SPATA13: variants seen among roughly 807,000 people sequenced by gnomAD.
The protein encoded by SPATA13 is spermatogenesis-associated protein 13.
In SPATA13, 50 loss-of-function variants were observed where a neutral mutation model predicts 104.0. The ratio of observed to expected loss-of-function variants is 0.48; its 90% CI spans 0.38 to 0.61. The LOEUF is 0.61. SPATA13 is among the 20% of genes least tolerant of loss of function. The pLI is 0.00. For synonymous variants in SPATA13, 606 were observed against 667.5 expected (o/e 0.91, Z 1.42); for missense variants, 1,524 against 1,690.6 (o/e 0.90, Z 1.73).
intron 5 of SPATA13, among the ~76,000 whole-genome samples, chr13:24,285,703 CAG>C (rs1218612583): frequency 4.6e-5 from 6 of 129,218 alleles, no homozygotes; most frequent in Admixed American, 4.1e-4. Context: ...TTTTTTGAGA[CAG>C]AGTTTTGCTC....
chr13:24,036,013 C>CAAAAAAAA (rs56837096), intron 3 of SPATA13, among the ~76,000 whole-genome samples: 16 of 112,452 alleles, frequency 1.4e-4, no homozygotes, highest in Non-Finnish European at 1.9e-4. Flanking sequence ...GACCCTGTCT[C>CAAAAAAAA]AAAAAAAAAA....
intron 3 of SPATA13, chr13:24,123,555 C>T (rs1489226725): frequency 6.2e-7 from 1 of 1,611,492 alleles, no homozygotes; most frequent in African/African-American, 1.3e-5. Context: ...AATCTGGTAA[C>T]AAAATCCTAT....
At chr13:24,141,362 C>T (rs556220750) in intron 3 of SPATA13, among the ~76,000 whole-genome samples, 2 of 152,122 alleles carry the variant, frequency 1.3e-5, no homozygotes, top group Non-Finnish European at 2.9e-5. Flanking sequence ...ATACTGAGTG[C>T]TCTGAGGAAT....
rs79503433 is a variant in SPATA13, at chr13:24,284,698, A to G, written c.2301+427A>G. Among the ~76,000 whole-genome samples, 748 of 152,196 alleles carry G rather than the reference A, an allele frequency of 4.9e-3. 7 individuals are homozygous for G. Among genetic ancestry groups the G allele is most frequent in the African/African-American group, 0.017 (720 of 41,526 alleles). The stretch of plus-strand genomic sequence containing the variant: ...GAAAGAACAACACTGTGATTCTCTG[A>G]CCTCGTCCAGGAAAATATATGGGAT... On this transcript the variant is annotated intron_variant, in intron 5 of 12. Coordinates refer to ENST00000382108, the MANE Select transcript of SPATA13 (RefSeq NM_001166271.3).
intron 3 of SPATA13, among the ~76,000 whole-genome samples, chr13:24,133,991 G>A (rs547732393): frequency 6.6e-6 from 1 of 152,330 alleles, no homozygotes; most frequent in South Asian, 2.1e-4. Context: ...CCTGGGGGAA[G>A]GCTCTTTCTG....
chr13:24,293,022 A>AAAG (rs35053977), intron 9 of SPATA13, among the ~76,000 whole-genome samples: 1 of 134,818 alleles, frequency 7.4e-6, no homozygotes, highest in African/African-American at 2.7e-5. Flanking sequence ...AAAAAAAAAA[A>AAAG]GGCGAGGGTG....
At chr13:24,013,706 C>CT (rs59130588) in intron 2 of SPATA13, among the ~76,000 whole-genome samples, 9,410 of 135,784 alleles carry the variant, frequency 0.069, 737 homozygotes, top group African/African-American at 0.19. Flanking sequence ...TTTTTTTCCA[C>CT]TTTTTTTTTT....
chr13:24,266,113 G>A (rs923996423), intron 4 of SPATA13, among the ~76,000 whole-genome samples: 10 of 152,084 alleles, frequency 6.6e-5, no homozygotes, highest in African/African-American at 2.4e-4. Context: ...ACTGTTGTGA[G>A]TTTGAGATAC....
intron 3 of SPATA13, among the ~76,000 whole-genome samples, chr13:24,092,301 A>G (rs949839592): frequency 2.6e-5 from 4 of 152,208 alleles, no homozygotes; most frequent in Non-Finnish European, 5.9e-5. Context: ...AAGGAAGACA[A>G]TTTTAGGAAG....
intron 1 of SPATA13, among the ~76,000 whole-genome samples, chr13:24,177,817 G>A (rs1379604807): frequency 6.6e-6 from 1 of 152,070 alleles, no homozygotes; most frequent in African/African-American, 2.4e-5. Context: ...ACCTTCTAAA[G>A]GCCCTATCTT....
At chr13:24,053,109 T>G (rs1878419597) in intron 3 of SPATA13, among the ~76,000 whole-genome samples, 1 of 152,022 alleles carries the variant, frequency 6.6e-6, no homozygotes, top group Non-Finnish European at 1.5e-5. Flanking sequence ...GAACACAAAC[T>G]TGTTTTTCTC....
chr13:24,141,410 A>G (rs1408369716), intron 3 of SPATA13, among the ~76,000 whole-genome samples: 1 of 152,144 alleles, frequency 6.6e-6, no homozygotes, highest in Non-Finnish European at 1.5e-5. Flanking sequence ...GGCCTTGCTA[A>G]TGCATTTGAA....
intron 3 of SPATA13, among the ~76,000 whole-genome samples, chr13:24,019,606 G>A (rs1876883504): frequency 6.6e-6 from 1 of 152,006 alleles, no homozygotes; most frequent in Non-Finnish European, 1.5e-5. Flanking sequence ...TATTACTAGT[G>A]CATTCTCTTT....
chr13:24,112,792 C>T (rs950810871), intron 3 of SPATA13, among the ~76,000 whole-genome samples: 1 of 152,204 alleles, frequency 6.6e-6, no homozygotes, highest in Non-Finnish European at 1.5e-5. Flanking sequence ...TTCCATGTCT[C>T]GTAGTAGTAT....
intron 2 of SPATA13, among the ~76,000 whole-genome samples, chr13:24,244,185 G>A (rs577330016): frequency 6.6e-6 from 1 of 152,282 alleles, no homozygotes; most frequent in East Asian, 1.9e-4. Flanking sequence ...GTGTTTGTCT[G>A]TGTCCAAATT....
chr13:24,055,459 A>G (rs1437348633), intron 3 of SPATA13, among the ~76,000 whole-genome samples: 1 of 152,174 alleles, frequency 6.6e-6, no homozygotes, highest in Admixed American at 6.5e-5. Flanking sequence ...ACCTTACTGA[A>G]CTGGTAGGGA....
intron 1 of SPATA13, among the ~76,000 whole-genome samples, chr13:24,173,358 TTAGTTGTGTG>T (rs1027398842): frequency 3.5e-5 from 4 of 114,596 alleles, no homozygotes; most frequent in East Asian, 5.6e-4. Context: ...TCATTAGTTC[TTAGTTGTGTG>T]TGTGTGTGTG....
At chr13:24,200,636 A>G (rs1482942515) in intron 1 of SPATA13, among the ~76,000 whole-genome samples, 1 of 151,668 alleles carries the variant, frequency 6.6e-6, no homozygotes, top group African/African-American at 2.4e-5. Flanking sequence ...GCTGTTTAGT[A>G]GAATAGCATA....
At chr13:24,256,295 C>T (rs1205987949) in intron 4 of SPATA13, among the ~76,000 whole-genome samples, 2 of 152,084 alleles carry the variant, frequency 1.3e-5, no homozygotes, top group African/African-American at 4.8e-5. Context: ...CAGTTAATGA[C>T]AATGTATTGT....
Sources: allele counts gnomAD v4.1 joint callset (sites outside exome capture counted in the v4.1 genomes callset), GRCh38; gene constraint gnomAD v4.1.1; transcripts MANE v1.5; gene names NCBI Gene and HGNC (gene_info 2026-07-23, HGNC 2026-07-21).